The following ZSWIM5 variants were observed in gnomAD, a reference collection of about 807,000 sequenced individuals.
ZSWIM5 encodes the protein zinc finger SWIM domain-containing protein 5.
In ZSWIM5, 55 loss-of-function variants were observed where a neutral mutation model predicts 119.6. The ratio of observed to expected loss-of-function variants is 0.46; its 90% CI spans 0.37 to 0.58. The LOEUF (loss-of-function observed/expected upper bound fraction) is 0.58, where lower values mean the gene tolerates loss of function less well. Ranked by LOEUF, ZSWIM5 falls within the 20% of genes least tolerant of loss-of-function variation. The probability of loss-of-function intolerance (pLI) is 0.00; values close to 1 mark genes in which losing one functional copy is unlikely to be tolerated. For synonymous variants in ZSWIM5, 537 were observed against 606.9 expected (o/e 0.88, Z 1.69); for missense variants, 1,193 against 1,512.8 (o/e 0.79, Z 3.51).
intron 5 of ZSWIM5, 21 bp downstream of exon 5, chr1:45,051,053 C>A (rs778939569): frequency 6.2e-7 from 1 of 1,605,584 alleles, no homozygotes; most frequent in Non-Finnish European, 8.5e-7. Flanking sequence ...TACAAAGAGC[C>A]TAAAAGGACA....
intron 1 of ZSWIM5, among the ~76,000 whole-genome samples, chr1:45,090,806 G>A (rs1022584121): frequency 1.6e-4 from 25 of 151,570 alleles, no homozygotes; most frequent in African/African-American, 5.6e-4. Flanking sequence ...CCTGGGACAC[G>A]GGGTGAGACC....
At chr1:45,092,664 C>A (rs897133967) in intron 1 of ZSWIM5, among the ~76,000 whole-genome samples, 2 of 151,460 alleles carry the variant, frequency 1.3e-5, no homozygotes, top group African/African-American at 4.8e-5. Flanking sequence ...CAACCAAACA[C>A]TAATCTAGGT....
At chr1:45,048,049 CTTTCTTTCTTTCTTT>C (rs1344477576) in intron 5 of ZSWIM5, among the ~76,000 whole-genome samples, 16 of 37,848 alleles carry the variant, frequency 4.2e-4, no homozygotes, top group Admixed American at 2.7e-3. Context: ...TTCTTTCTTT[CTTTCTTTCTTTCTTT>C]CTTTCCTTTT....
chr1:45,104,565 G>A (rs1219026761), intron 1 of ZSWIM5, among the ~76,000 whole-genome samples: 1 of 152,234 alleles, frequency 6.6e-6, no homozygotes. Context: ...ACAAGAAGCA[G>A]ATGGTGCCCA....
intron 2 of ZSWIM5, among the ~76,000 whole-genome samples, chr1:45,075,100 CTGTTT>C (rs1296325780): frequency 1.3e-5 from 2 of 151,666 alleles, no homozygotes; most frequent in African/African-American, 4.9e-5. Flanking sequence ...TTTTTTTTGA[CTGTTT>C]TAAGACTTGT....
At chr1:45,202,379 A>C (rs1390557921) in intron 1 of ZSWIM5, among the ~76,000 whole-genome samples, 2 of 152,100 alleles carry the variant, frequency 1.3e-5, no homozygotes, top group Non-Finnish European at 2.9e-5. Flanking sequence ...ACACAATTTT[A>C]AACTTACTAC....
intron 1 of ZSWIM5, among the ~76,000 whole-genome samples, chr1:45,189,126 C>A (rs1646076100): frequency 6.6e-6 from 1 of 152,028 alleles, no homozygotes; most frequent in Non-Finnish European, 1.5e-5. Context: ...ACCAGCCTGA[C>A]CAACATGGAA....
intron 1 of ZSWIM5, among the ~76,000 whole-genome samples, chr1:45,141,563 G>C (rs1229361979): frequency 2.0e-5 from 3 of 152,154 alleles, no homozygotes; most frequent in African/African-American, 7.2e-5. Flanking sequence ...AACCCAACCA[G>C]ATAGACTGCC....
intron 1 of ZSWIM5, among the ~76,000 whole-genome samples, chr1:45,168,762 A>G (rs1645926780): frequency 6.6e-6 from 1 of 151,808 alleles, no homozygotes; most frequent in South Asian, 2.1e-4. Flanking sequence ...GGAAAATTTC[A>G]CATTTAAAAA....
intron 1 of ZSWIM5, among the ~76,000 whole-genome samples, chr1:45,187,806 A>G (rs1646068130): frequency 2.6e-5 from 4 of 152,180 alleles, no homozygotes. Flanking sequence ...TTTTTTTCCA[A>G]AGAAGTTATA....
chr1:45,044,792 T>C (rs1165175022), intron 5 of ZSWIM5, among the ~76,000 whole-genome samples: 1 of 6,444 alleles, frequency 1.6e-4, no homozygotes, highest in African/African-American at 6.9e-4. Context: ...TATATATAAA[T>C]ATATATATAT....
intron 2 of ZSWIM5, among the ~76,000 whole-genome samples, chr1:45,074,131 T>G (rs913664197): frequency 6.6e-6 from 1 of 152,006 alleles, no homozygotes; most frequent in Admixed American, 6.5e-5. Flanking sequence ...GAATTCAGTT[T>G]GCTAGTATTT....
chr1:45,168,068 G>C (rs1330536250), intron 1 of ZSWIM5, among the ~76,000 whole-genome samples: 1 of 152,084 alleles, frequency 6.6e-6, no homozygotes, highest in Non-Finnish European at 1.5e-5. Flanking sequence ...AGACTTGGAA[G>C]CAACCCAAAT....
intron 2 of ZSWIM5, among the ~76,000 whole-genome samples, chr1:45,077,354 G>T (rs550502270): frequency 3.3e-5 from 5 of 152,280 alleles, no homozygotes; most frequent in Admixed American, 1.3e-4. Context: ...CTGGGCGTCT[G>T]GGGGAGATAT....
intron 1 of ZSWIM5, among the ~76,000 whole-genome samples, chr1:45,190,926 A>ATTTTTTTT (rs1557794312): frequency 2.8e-5 from 2 of 72,244 alleles, no homozygotes; most frequent in African/African-American, 1.1e-4. Flanking sequence ...AAATAGCTGG[A>ATTTTTTTT]ATTTTTTTTT....
intron 2 of ZSWIM5, among the ~76,000 whole-genome samples, chr1:45,063,433 C>G (rs559300089): frequency 4.6e-5 from 7 of 152,290 alleles, no homozygotes; most frequent in African/African-American, 1.7e-4. Flanking sequence ...AGTATTCAGT[C>G]ATGCCCTATT....
chr1:45,041,557 G>A (rs1298191407), intron 6 of ZSWIM5, among the ~76,000 whole-genome samples: 1 of 43,906 alleles, frequency 2.3e-5, no homozygotes, highest in Non-Finnish European at 5.2e-5. Context: ...TTTTTTTTTA[G>A]ATGGAGTCTC....
intron 2 of ZSWIM5, among the ~76,000 whole-genome samples, chr1:45,070,790 C>A (rs879718437): frequency 6.6e-6 from 1 of 152,102 alleles, no homozygotes; most frequent in Non-Finnish European, 1.5e-5. Flanking sequence ...TTTGTTAATT[C>A]CTACATTGGC....
chr1:45,038,948 G>A lies in ZSWIM5; in HGVS notation c.1882C>T (p.Leu628=), dbSNP rs988551628. ...CTGACCCCTGTACCTGACATCTCCA[G>A]ATAGCCATCATCATTCAGGCGGCAG... The part of the protein sequence containing the change: ...EACRLNDDGY[L]EMSDMNESRP... The change falls in exon 8 of 14, where the codon CTG becomes TTG. Residue 628 remains leucine (L), a synonymous_variant. Coordinates refer to ENST00000359600, the MANE Select transcript of ZSWIM5 (RefSeq NM_020883.2). 1.9e-6 allele frequency: 3 copies of A among 1,613,614 alleles called. No homozygotes were observed. Among genetic ancestry groups the A allele is most frequent in the African/African-American group, 1.3e-5 (1 of 74,914 alleles).
Sources: allele counts gnomAD v4.1 joint callset (sites outside exome capture counted in the v4.1 genomes callset), GRCh38; gene constraint gnomAD v4.1.1; transcripts MANE v1.5; gene names NCBI Gene and HGNC (gene_info 2026-07-23, HGNC 2026-07-21).